The following CDC14A variants were observed in gnomAD, a reference collection of about 807,000 sequenced individuals.
CDC14A encodes dual specificity protein phosphatase CDC14A.
CDC14A carries 53 observed loss-of-function variants against 74.4 expected under a neutral mutation model. That is an observed-to-expected ratio of 0.71 (90% CI 0.57 to 0.89). CDC14A has a LOEUF of 0.89. Among genes scored for constraint, CDC14A ranks in the 40% least tolerant of loss-of-function variants. CDC14A has a pLI of 0.00. For missense variants in CDC14A, 646 were observed against 713.7 expected, an observed-to-expected ratio of 0.91 and a Z score of 1.08; for synonymous variants, 247 against 258.4, an observed-to-expected ratio of 0.96 and a Z score of 0.43.
chr1:100,483,895 C>T (rs182084558), intron 10 of CDC14A, among the ~76,000 whole-genome samples: 2 of 152,220 alleles, frequency 1.3e-5, no homozygotes, highest in African/African-American at 4.8e-5. Flanking sequence ...CTTTCATGTA[C>T]AGTTTTGAGT....
At chr1:100,474,959 T>C (rs1367012071) in intron 10 of CDC14A, among the ~76,000 whole-genome samples, 1 of 152,170 alleles carries the variant, frequency 6.6e-6, no homozygotes, top group Non-Finnish European at 1.5e-5. Flanking sequence ...TTGTCAAATT[T>C]GGAAGGTTTT....
chr1:100,477,492 T>C (rs567532075), intron 10 of CDC14A, among the ~76,000 whole-genome samples: 1 of 151,926 alleles, frequency 6.6e-6, no homozygotes, highest in East Asian at 1.9e-4. Flanking sequence ...TGGATGGAGA[T>C]TGGAATCAGA....
rs983378008 is a variant in CDC14A, at chr1:100,353,932, A to C, written c.140+80A>C. Reference sequence around the variant, plus strand: ...AGGAAACACTATGCACTTTTATGGCAGTTTTATTCATTTCCCCCCCAATGA... The same window carrying C: ...AGGAAACACTATGCACTTTTATGGCCGTTTTATTCATTTCCCCCCCAATGA... On this transcript the variant is annotated intron_variant, in intron 2 of 15. Coordinates refer to ENST00000336454, the MANE Select transcript of CDC14A (RefSeq NM_003672.4). The C allele has an allele frequency of 1.2e-5, 9 of 753,482 alleles. No homozygotes were observed. In the Admixed American group the frequency reaches 1.4e-4, roughly 12 times the overall value. 46.7% of individuals were successfully genotyped at this position (753,482 alleles called of 1,614,324 possible). A position where few individuals can be genotyped will look rare whatever the true frequency, so the allele number is the denominator to read the frequency against.
Position 100,498,193 on chromosome 1 carries a change from T to C in CDC14A, c.1407T>C (p.Gly469=), listed in dbSNP as rs1571346343. The change falls in exon 14 of 16, where the codon GGT becomes GGC. Residue 469 remains glycine (G), a synonymous_variant. Transcript: ENST00000336454. ...TCAACAGAACTTCTTTGTCTTCGGG[T>C]GCCACTGTAAGAAGGTAATTTTTCT... ...KRINRTSLSS[G]ATVRSFSINS... is the part of the protein sequence containing the mutation. 8 of 1,613,968 alleles carry C rather than the reference T, an allele frequency of 5.0e-6. No individual in the cohort carries two copies. In the East Asian group the frequency reaches 1.8e-4, roughly 36 times the overall value.
intron 15 of CDC14A, among the ~76,000 whole-genome samples, chr1:100,517,091 G>T (rs1250545203): frequency 6.6e-6 from 1 of 152,180 alleles, no homozygotes; most frequent in Non-Finnish European, 1.5e-5. Flanking sequence ...GCCCTTTGCG[G>T]TCAGGGACCA....
intron 10 of CDC14A, among the ~76,000 whole-genome samples, chr1:100,476,180 C>T (rs1055264173): frequency 1.3e-5 from 2 of 152,216 alleles, no homozygotes; most frequent in Admixed American, 1.3e-4. Flanking sequence ...GGGCTGGGCA[C>T]GGTGGCTCAT....
intron 4 of CDC14A, among the ~76,000 whole-genome samples, chr1:100,416,947 G>A (rs1661605069): frequency 6.6e-6 from 1 of 151,636 alleles, no homozygotes. Flanking sequence ...CCCACTATTT[G>A]TGCAATCGTC....
intron 3 of CDC14A, among the ~76,000 whole-genome samples, chr1:100,389,462 A>T (rs192985896): frequency 0.032 from 4,757 of 149,792 alleles, 83 homozygotes; most frequent in Non-Finnish European, 0.036. Flanking sequence ...AAAAAAAAAA[A>T]ATATATATAT....
At position 100,400,945 on chromosome 1, in the gene CDC14A, C is replaced by T. The variant is rs934166857; in HGVS notation, c.309+10121C>T. On this transcript the variant is annotated intron_variant, in intron 4 of 15. Transcript: ENST00000336454. Reference sequence around the variant, plus strand: ...GTAAATAAGCTCTCAAATTTATATACACATACACAGCTGCACACACAGGCA... The same window carrying T: ...GTAAATAAGCTCTCAAATTTATATATACATACACAGCTGCACACACAGGCA... 3.3e-5 allele frequency among the ~76,000 whole-genome samples: 5 copies of T among 151,936 alleles called. No individual in the cohort carries two copies. The South Asian group carries it at 6.2e-4, about 19-fold the overall frequency.
At chr1:100,493,431 T>C (rs1647278836) in intron 11 of CDC14A, among the ~76,000 whole-genome samples, 1 of 152,236 alleles carries the variant, frequency 6.6e-6, no homozygotes, top group Admixed American at 6.5e-5. Flanking sequence ...ACCATCCCAC[T>C]GGCAAGCCTA....
chr1:100,460,912 G>A (rs1438775749), intron 8 of CDC14A, among the ~76,000 whole-genome samples: 1 of 152,202 alleles, frequency 6.6e-6, no homozygotes, highest in Non-Finnish European at 1.5e-5. Flanking sequence ...TTTGGAATAT[G>A]TTGGGTAGCT....
chr1:100,362,360 C>T (rs1309732104), intron 2 of CDC14A, among the ~76,000 whole-genome samples: 1 of 152,040 alleles, frequency 6.6e-6, no homozygotes, highest in African/African-American at 2.4e-5. Context: ...TGAAGAAATT[C>T]AAACCTACAG....
chr1:100,346,975 G>A (rs1650482560), intron 1 of CDC14A, among the ~76,000 whole-genome samples: 1 of 152,120 alleles, frequency 6.6e-6, no homozygotes, highest in African/African-American at 2.4e-5. Context: ...TTTTATAGAA[G>A]CCACACAAAA....
intron 2 of CDC14A, among the ~76,000 whole-genome samples, chr1:100,354,204 G>A (rs1005145328): frequency 5.3e-5 from 8 of 152,142 alleles, no homozygotes; most frequent in Admixed American, 5.2e-4. Context: ...TTTATGGAGT[G>A]GCCATAGGGT....
chr1:100,352,420 G>A (rs1013485544), upstream of CDC14A: 83 of 986,856 alleles, frequency 8.4e-5, no homozygotes, highest in Non-Finnish European at 9.7e-5. Flanking sequence ...CTGAGGGAGG[G>A]CGGGGAGGAA....
intron 7 of CDC14A, among the ~76,000 whole-genome samples, chr1:100,453,300 C>A (rs562888301): frequency 1.3e-5 from 2 of 152,226 alleles, no homozygotes; most frequent in East Asian, 3.9e-4. Context: ...GCAGATATTG[C>A]AGAGCGTATT....
chr1:100,490,232 T>C (rs1670476747), intron 11 of CDC14A, among the ~76,000 whole-genome samples: 1 of 152,256 alleles, frequency 6.6e-6, no homozygotes, highest in Non-Finnish European at 1.5e-5. Flanking sequence ...TTATTCAGTA[T>C]TCCAGGAGGC....
At chr1:100,363,893 C>T (rs1363757321) in intron 2 of CDC14A, among the ~76,000 whole-genome samples, 2 of 152,192 alleles carry the variant, frequency 1.3e-5, no homozygotes, top group Non-Finnish European at 2.9e-5. Context: ...TAGTGGCTCA[C>T]GCTTCTAATT....
chr1:100,492,670 T>A (rs1557823728), intron 11 of CDC14A, among the ~76,000 whole-genome samples: 1 of 152,260 alleles, frequency 6.6e-6, no homozygotes, highest in East Asian at 1.9e-4. Flanking sequence ...ATTGCCTTTT[T>A]AAATTTGCAT....
Sources: allele counts gnomAD v4.1 joint callset (sites outside exome capture counted in the v4.1 genomes callset), GRCh38; gene constraint gnomAD v4.1.1; transcripts MANE v1.5; gene names NCBI Gene and HGNC (gene_info 2026-07-23, HGNC 2026-07-21).